Variants in DDX10 observed in about 807,000 individuals in gnomAD.
DDX10 encodes the protein DEAD-box helicase 10.
In DDX10, 74 loss-of-function variants were observed where a neutral mutation model predicts 104.3. That is an observed-to-expected ratio of 0.71 (90% CI 0.59 to 0.86). The LOEUF (loss-of-function observed/expected upper bound fraction) is 0.86, where lower values mean the gene tolerates loss of function less well. Ranked by LOEUF, DDX10 falls within the 40% of genes least tolerant of loss-of-function variation. DDX10 has a pLI of 0.00. For synonymous variants in DDX10, 351 were observed against 353.4 expected, an observed-to-expected ratio of 0.99 and a Z score of 0.08; for missense variants, 952 against 1,040.0, an observed-to-expected ratio of 0.92 and a Z score of 1.16.
At chr11:108,716,244 C>T (rs142077537) in intron 11 of DDX10, among the ~76,000 whole-genome samples, 195 of 152,012 alleles carry the variant, frequency 1.3e-3, no homozygotes, top group Middle Eastern at 3.4e-3. Flanking sequence ...TACAGGTGTG[C>T]GCCACTACCA....
chr11:108,857,175 G>T (rs896550169), intron 16 of DDX10, among the ~76,000 whole-genome samples: 2 of 152,042 alleles, frequency 1.3e-5, no homozygotes, highest in Non-Finnish European at 2.9e-5. Context: ...TGCCCTTTCT[G>T]TATGTTGCTT....
intron 17 of DDX10, among the ~76,000 whole-genome samples, chr11:108,926,705 C>G (rs1863913653): frequency 6.6e-6 from 1 of 152,166 alleles, no homozygotes; most frequent in African/African-American, 2.4e-5. Context: ...ATGGAATGTA[C>G]TGCAGTAATT....
intron 6 of DDX10, among the ~76,000 whole-genome samples, chr11:108,680,893 T>C (rs949171388): frequency 3.1e-4 from 47 of 152,328 alleles, no homozygotes; most frequent in African/African-American, 1.0e-3. Flanking sequence ...TGAGTACTGG[T>C]ATCTTTGACT....
intron 16 of DDX10, among the ~76,000 whole-genome samples, chr11:108,899,741 C>G (rs1433221815): frequency 6.6e-6 from 1 of 152,096 alleles, no homozygotes; most frequent in African/African-American, 2.4e-5. Flanking sequence ...GTGTTTGGGT[C>G]ACAGGGGCAG....
rs116953461 is a variant in DDX10 at position 108,715,890 on chromosome 11, A to G, written c.1334A>G (p.Glu445Gly). 6.1e-3 allele frequency: 9,225 copies of G among 1,513,250 alleles called. 31 individuals are homozygous for G. Among genetic ancestry groups the G allele is most frequent in the Non-Finnish European group, 7.3e-3 (7,984 of 1,094,934 alleles). The allele number at this position is 1,513,250 out of a possible 1,614,324, so 93.7% of individuals were successfully genotyped here. ...TTTTTGTTACAAAGAATCAATCCAG[A>G]AAAACTTATAGATGTCCAGAAAAAA... ...VPVKEIKINPEKLIDVQKKLE... is the reference protein window; with the variant it reads ...VPVKEIKINPGKLIDVQKKLE... The change falls in exon 11 of 18, where the codon GAA (glutamate) becomes GGA (glycine). Residue 445 changes from glutamate to glycine, a missense_variant. By Grantham distance (98) the Glu-to-Gly change is moderately conservative (BLOSUM62 -2). Coordinates refer to ENST00000322536, the MANE Select transcript of DDX10 (RefSeq NM_004398.4).
At chr11:108,895,928 A>G (rs1394306004) in intron 16 of DDX10, among the ~76,000 whole-genome samples, 3 of 152,110 alleles carry the variant, frequency 2.0e-5, no homozygotes, top group Non-Finnish European at 4.4e-5. Context: ...GAAATAAACC[A>G]TTTATGCCAA....
chr11:108,742,195 G>A (rs2094325995), intron 13 of DDX10, among the ~76,000 whole-genome samples: 1 of 151,950 alleles, frequency 6.6e-6, no homozygotes, highest in South Asian at 2.1e-4. Context: ...GGGAGGTGGA[G>A]GTTGCAGTGA....
chr11:108,855,255 A>G (rs1025892776), intron 16 of DDX10, among the ~76,000 whole-genome samples: 1 of 152,166 alleles, frequency 6.6e-6, no homozygotes, highest in Non-Finnish European at 1.5e-5. Context: ...GGTAGGTTAC[A>G]TAATCCTGGA....
intron 4 of DDX10, among the ~76,000 whole-genome samples, chr11:108,678,053 G>A (rs2094228466): frequency 6.6e-6 from 1 of 152,002 alleles, no homozygotes; most frequent in African/African-American, 2.4e-5. Flanking sequence ...GTATTCATTT[G>A]ATTATTTTTT....
At chr11:108,760,395 C>T (rs568828531) in intron 13 of DDX10, among the ~76,000 whole-genome samples, 1 of 152,066 alleles carries the variant, frequency 6.6e-6, no homozygotes, top group East Asian at 1.9e-4. Context: ...AATTCTTTTC[C>T]ACTTTCTGTA....
At chr11:108,836,236 G>A (rs951055390) in intron 13 of DDX10, among the ~76,000 whole-genome samples, 1 of 152,130 alleles carries the variant, frequency 6.6e-6, no homozygotes, top group Non-Finnish European at 1.5e-5. Flanking sequence ...ATAATTTGTG[G>A]TCTGAGAAAT....
At chr11:108,833,034 G>A (rs768248602) in intron 13 of DDX10, among the ~76,000 whole-genome samples, 4 of 152,170 alleles carry the variant, frequency 2.6e-5, no homozygotes, top group Non-Finnish European at 1.5e-5. Context: ...GAATACATGT[G>A]CATGTATTAC....
At chr11:108,861,075 G>A (rs1211031781) in intron 16 of DDX10, 2 of 150,968 alleles carry the variant, frequency 1.3e-5, no homozygotes, top group African/African-American at 4.9e-5. Context: ...ATTAACATTT[G>A]AGTCAGTGGG....
intron 13 of DDX10, among the ~76,000 whole-genome samples, chr11:108,788,603 T>A (rs1861828100): frequency 6.6e-6 from 1 of 152,218 alleles, no homozygotes; most frequent in Non-Finnish European, 1.5e-5. Flanking sequence ...CCTCAGGTGA[T>A]CCCCCCACCT....
chr11:108,796,541 A>T (rs983851784), intron 13 of DDX10, among the ~76,000 whole-genome samples: 5 of 152,216 alleles, frequency 3.3e-5, no homozygotes, highest in Non-Finnish European at 5.9e-5. Context: ...GATTTTTATT[A>T]TCTGGGATGA....
chr11:108,700,809 A>G (rs1026792144), intron 9 of DDX10, among the ~76,000 whole-genome samples: 8 of 151,898 alleles, frequency 5.3e-5, no homozygotes, highest in African/African-American at 1.9e-4. Flanking sequence ...AATTTTAGGT[A>G]GCAGTACCAC....
chr11:108,697,061 AAG>A (rs1455761119), intron 9 of DDX10, among the ~76,000 whole-genome samples: 3 of 152,170 alleles, frequency 2.0e-5, no homozygotes, highest in African/African-American at 7.2e-5. Flanking sequence ...ATTGTGTCTG[AAG>A]AGAGAGAATA....
Position 108,665,194 on chromosome 11 carries a change from C to G in DDX10, c.41C>G (p.Pro14Arg), listed in dbSNP as rs199830619. 1.9e-6 allele frequency: 3 copies of G among 1,612,840 alleles called. No individual in the cohort carries two copies. Among genetic ancestry groups the G allele is most frequent in the East Asian group, 2.2e-5 (1 of 44,792 alleles). Residue 14 changes from proline (P) to arginine (R), a missense_variant, in exon 1 of 18, where the codon CCC becomes CGC. By Grantham distance (103) the Pro-to-Arg change is moderately radical. Transcript: ENST00000322536. ...TANSPGSGARPDPVRSFNRWK... is the reference protein window; with the variant it reads ...TANSPGSGARRDPVRSFNRWK... Reference sequence around the variant, plus strand: ...AACTCTCCGGGTTCGGGAGCCCGACCCGACCCGGTGCGGAGCTTCAATCGC... The same window carrying G: ...AACTCTCCGGGTTCGGGAGCCCGACGCGACCCGGTGCGGAGCTTCAATCGC...
At chr11:108,736,745 T>C (rs2134490683) in intron 13 of DDX10, among the ~76,000 whole-genome samples, 1 of 152,298 alleles carries the variant, frequency 6.6e-6, no homozygotes, top group Admixed American at 6.5e-5. Context: ...AGAAGGCTCA[T>C]ACCAGATGTC....
Sources: allele counts gnomAD v4.1 joint callset (sites outside exome capture counted in the v4.1 genomes callset), GRCh38; gene constraint gnomAD v4.1.1; transcripts MANE v1.5; gene names NCBI Gene and HGNC (gene_info 2026-07-23, HGNC 2026-07-21).